HMGA2: variants seen among roughly 807,000 people sequenced by gnomAD.
The protein encoded by HMGA2 is high mobility group AT-hook 2, also known as high mobility group protein HMGI-C.
Under a neutral mutation model 19.1 loss-of-function variants are expected in HMGA2, and 8 were observed. That is an observed-to-expected ratio of 0.42 (90% CI 0.25 to 0.76). The LOEUF is 0.76. HMGA2 is among the 30% of genes least tolerant of loss of function. The pLI, the probability that HMGA2 is intolerant of heterozygous loss-of-function variation, is 0.28. For missense variants in HMGA2, 109 were observed against 136.3 expected, an observed-to-expected ratio of 0.80 and a Z score of 1.00; for synonymous variants, 60 against 48.8, an observed-to-expected ratio of 1.23 and a Z score of -0.96.
rs1268213022 is a variant in HMGA2, at chr12:65,825,267, C to T, written c.-4C>T. ...CAGCGGCGGTAGCGGCGGCGGGAGG[C>T]AGGATGAGCGCACGCGGTGAGGGCG... On this transcript the variant is annotated 5_prime_UTR_variant, in exon 1 of 5. Transcript: ENST00000403681. This position sits in a 1 kb window ranked among gnomAD's most constrained non-coding sequence, Gnocchi z 4.4. 1 of 1,527,130 alleles carries T rather than the reference C, an allele frequency of 6.5e-7. No homozygotes were observed. The highest frequency in any genetic ancestry group is 8.8e-7 in the Non-Finnish European group (1 of 1,141,884). The allele number at this position is 1,527,130 out of a possible 1,614,324, so 94.6% of individuals were successfully genotyped here. A position where few individuals can be genotyped will look rare whatever the true frequency, so the allele number is the denominator to read the frequency against.
chr12:65,827,978 A>ATT, intron 1 of HMGA2, 23 bp from the exon 2 acceptor site: 2 of 1,497,556 alleles, frequency 1.3e-6, no homozygotes, highest in Non-Finnish European at 1.9e-6. Flanking sequence ...CCACAACAGC[A>ATT]TTTTTTTTTC....
chr12:65,930,696 G>A (rs1366335278), intron 3 of HMGA2, among the ~76,000 whole-genome samples: 2 of 152,158 alleles, frequency 1.3e-5, no homozygotes, highest in Non-Finnish European at 2.9e-5. Flanking sequence ...TAAGTAGCAG[G>A]TGGTATTTCC....
chr12:65,959,151 C>A (rs1220266891), intron 4 of HMGA2, among the ~76,000 whole-genome samples: 1 of 152,194 alleles, frequency 6.6e-6, no homozygotes, highest in Non-Finnish European at 1.5e-5. Context: ...ATTCCATCAG[C>A]CTTAGGAGTT....
intron 3 of HMGA2, among the ~76,000 whole-genome samples, chr12:65,941,586 A>G (rs1876093991): frequency 6.6e-6 from 1 of 152,212 alleles, no homozygotes; most frequent in African/African-American, 2.4e-5. Context: ...CACTCAACCC[A>G]TAAACTATCC....
At chr12:65,931,484 A>T (rs1875708523) in intron 3 of HMGA2, among the ~76,000 whole-genome samples, 2 of 152,226 alleles carry the variant, frequency 1.3e-5, no homozygotes, top group African/African-American at 2.4e-5. Context: ...TATCCTTTAT[A>T]TACTTATAAC....
At position 65,964,500 on chromosome 12, in the gene HMGA2, C is replaced by T. The variant is rs971305239; in HGVS notation, c.*1208C>T. ...GGCTTGAGTTCACCATCTCTTCATT[C>T]AAACTGCACTTTTAGCCAGAGATGC... On this transcript the variant is annotated 3_prime_UTR_variant, in exon 5 of 5. Coordinates refer to ENST00000403681, the MANE Select transcript of HMGA2 (RefSeq NM_003483.6). The T allele has an allele frequency of 1.4e-5, 3 of 219,204 alleles. No individual in the cohort carries two copies. The highest frequency in any genetic ancestry group is 2.8e-5 in the Non-Finnish European group (3 of 108,996). The allele number at this position is 219,204 out of a possible 1,614,324, so 13.6% of individuals were successfully genotyped here.
At chr12:65,849,734 G>GTCTTTTTTTTTTTTT (rs1309933646) in intron 3 of HMGA2, among the ~76,000 whole-genome samples, 1 of 102,036 alleles carries the variant, frequency 9.8e-6, no homozygotes, top group Non-Finnish European at 1.7e-5. Flanking sequence ...GGTAGGCTCT[G>GTCTTTTTTTTTTTTT]TATTTTTTTT....
At chr12:65,903,546 T>TG (rs1874460455) in intron 3 of HMGA2, among the ~76,000 whole-genome samples, 1 of 151,398 alleles carries the variant, frequency 6.6e-6, no homozygotes, top group Admixed American at 6.6e-5. Flanking sequence ...GCCGGGGAGG[T>TG]GGGGGCAGAG....
chr12:65,913,197 T>G (rs187585741), intron 3 of HMGA2, among the ~76,000 whole-genome samples: 10 of 152,314 alleles, frequency 6.6e-5, no homozygotes. Flanking sequence ...CACCATTTTG[T>G]GCTATTTTTT....
At chr12:65,874,557 C>G (rs1019721936) in intron 3 of HMGA2, among the ~76,000 whole-genome samples, 1 of 152,140 alleles carries the variant, frequency 6.6e-6, no homozygotes, top group African/African-American at 2.4e-5. Context: ...TAGTGTGACT[C>G]CAGGTGCCTC....
At chr12:65,882,279 G>A (rs1873454475) in intron 3 of HMGA2, 1 of 247,150 alleles carries the variant, frequency 4.0e-6, no homozygotes, top group Non-Finnish European at 8.1e-6. Flanking sequence ...CTGAGAGAAA[G>A]AGGAAGCCTC....
chr12:65,835,774 A>G (rs572316805), intron 2 of HMGA2, among the ~76,000 whole-genome samples: 9 of 152,288 alleles, frequency 5.9e-5, no homozygotes, highest in African/African-American at 2.2e-4. Context: ...AAACATAACA[A>G]CCGTGCAGAA....
intron 3 of HMGA2, among the ~76,000 whole-genome samples, chr12:65,886,421 G>A (rs981813191): frequency 2.7e-5 from 4 of 149,820 alleles, no homozygotes; most frequent in Admixed American, 1.3e-4. Flanking sequence ...GTGCAGTGGC[G>A]CAATCTCTGC....
At chr12:65,935,906 G>C (rs1875876041) in intron 3 of HMGA2, among the ~76,000 whole-genome samples, 1 of 152,158 alleles carries the variant, frequency 6.6e-6, no homozygotes, top group Admixed American at 6.5e-5. Context: ...AACAAGGGAA[G>C]TACTTTAAGC....
chr12:65,873,137 T>A (rs1025336928), intron 3 of HMGA2, among the ~76,000 whole-genome samples: 2 of 152,218 alleles, frequency 1.3e-5, no homozygotes, highest in African/African-American at 4.8e-5. Flanking sequence ...GGTAAAGGAC[T>A]TTTACCCGTC....
At chr12:65,961,736 AGAGT>A (rs1372453553) in intron 4 of HMGA2, among the ~76,000 whole-genome samples, 1 of 144,886 alleles carries the variant, frequency 6.9e-6, no homozygotes, top group African/African-American at 2.5e-5. Context: ...AGCCCAGGAT[AGAGT>A]GTGTGTGTGT....
intron 3 of HMGA2, among the ~76,000 whole-genome samples, chr12:65,936,537 T>C (rs994337373): frequency 2.6e-5 from 4 of 152,194 alleles, no homozygotes; most frequent in Admixed American, 2.6e-4. Flanking sequence ...GGTTTTACAT[T>C]GATAATACAG....
intron 3 of HMGA2, among the ~76,000 whole-genome samples, chr12:65,920,720 T>C (rs544736757): frequency 1.3e-5 from 2 of 152,360 alleles, no homozygotes; most frequent in South Asian, 2.1e-4. Context: ...CCGCTATGAT[T>C]CTGGGGCCTC....
chr12:65,834,996 G>A (rs1236637641), intron 2 of HMGA2, among the ~76,000 whole-genome samples: 1 of 152,108 alleles, frequency 6.6e-6, no homozygotes, highest in Non-Finnish European at 1.5e-5. Context: ...TCGCATAATA[G>A]TGCTGGTAAC....
Sources: allele counts gnomAD v4.1 joint callset (sites outside exome capture counted in the v4.1 genomes callset), GRCh38; gene constraint gnomAD v4.1.1; non-coding constraint Gnocchi (gnomAD v3.1); transcripts MANE v1.5; gene names NCBI Gene and HGNC (gene_info 2026-07-23, HGNC 2026-07-21).